Variants in CAPN14 observed in about 807,000 individuals in gnomAD.
CAPN14 encodes the protein calpain 14.
In CAPN14, 94 loss-of-function variants were observed where a neutral mutation model predicts 101.3. That is an observed-to-expected ratio of 0.93 (90% CI 0.79 to 1.10). The LOEUF (loss-of-function observed/expected upper bound fraction) is 1.10, where lower values mean the gene tolerates loss of function less well. CAPN14 is among the 50% of genes least tolerant of loss of function. CAPN14 has a pLI of 0.00. For synonymous variants in CAPN14, 338 were observed against 317.9 expected (o/e 1.06, Z -0.67); for missense variants, 837 against 828.4 (o/e 1.01, Z -0.13).
intron 1 of CAPN14, chr2:31,228,448 A>G (rs1359601623): frequency 6.6e-6 from 1 of 152,208 alleles, no homozygotes; most frequent in Non-Finnish European, 1.5e-5. Context: ...GTCACCCCTA[A>G]GAACCCAGAG....
intron 12 of CAPN14, 88 bp downstream of exon 12, chr2:31,191,311 C>T: frequency 7.7e-7 from 1 of 1,297,584 alleles, no homozygotes; most frequent in Non-Finnish European, 1.1e-6. Context: ...CAGTAGAAGC[C>T]TGCTCCAGTC....
intron 5 of CAPN14, among the ~76,000 whole-genome samples, chr2:31,201,583 C>T (rs148152999): frequency 1.8e-3 from 272 of 152,292 alleles, no homozygotes; most frequent in African/African-American, 6.1e-3. Context: ...GTGTATCTTG[C>T]TACTCCTTCC....
At chr2:31,175,453 T>A (rs1294442588) in intron 21 of CAPN14, among the ~76,000 whole-genome samples, 1 of 152,246 alleles carries the variant, frequency 6.6e-6, no homozygotes, top group Non-Finnish European at 1.5e-5. Flanking sequence ...TCTCTTCCTG[T>A]GATAGCTCTT....
intron 16 of CAPN14, among the ~76,000 whole-genome samples, chr2:31,183,520 G>A (rs1164330605): frequency 6.6e-6 from 1 of 151,898 alleles, no homozygotes; most frequent in African/African-American, 2.4e-5. Flanking sequence ...TCAAAAAGTG[G>A]GCAAAGGACA....
At position 31,199,505 on chromosome 2, in the gene CAPN14, C is replaced by A; in HGVS notation, c.754G>T (p.Glu252Ter). ...GEKILENGLV[E>*]GHAYTLTGIR... ...CCTGTGAGAGTATAGGCATGGCCTT[C>A]CACCAGCCCATTCTCCAGAATCTTC... The change falls in exon 7 of 22, where the codon GAA becomes TAA. Residue 252 changes from glutamate (E) to a stop codon, truncating the protein, a stop_gained. Coordinates refer to ENST00000403897, the MANE Select transcript of CAPN14 (RefSeq NM_001145122.2). LOFTEE classifies it high-confidence loss of function. 1 of 1,551,562 alleles carries A rather than the reference C, an allele frequency of 6.4e-7. No individual in the cohort carries two copies. The highest frequency in any genetic ancestry group is 8.7e-7 in the Non-Finnish European group (1 of 1,146,916).
At chr2:31,213,189 G>T (rs923955458) in intron 1 of CAPN14, among the ~76,000 whole-genome samples, 1 of 152,200 alleles carries the variant, frequency 6.6e-6, no homozygotes, top group Non-Finnish European at 1.5e-5. Flanking sequence ...TCTTCCCCAT[G>T]TGCCCGTGTG....
intron 12 of CAPN14, 178 bp from the exon 13 acceptor site, chr2:31,189,656 G>T (rs1411070677): frequency 2.9e-6 from 2 of 694,524 alleles, no homozygotes; most frequent in Admixed American, 2.0e-5. Flanking sequence ...TATGTGTGTG[G>T]AGGGCTGCAC....
chr2:31,176,797 T>A (rs1680314713), intron 20 of CAPN14, among the ~76,000 whole-genome samples, 155 bp from the exon 21 acceptor site: 1 of 152,358 alleles, frequency 6.6e-6, no homozygotes, highest in East Asian at 1.9e-4. Context: ...GCCACATCTA[T>A]GATAAGTGAG....
intron 6 of CAPN14, 69 bp from the exon 7 acceptor site, chr2:31,199,601 G>A: frequency 1.5e-6 from 2 of 1,309,756 alleles, no homozygotes; most frequent in South Asian, 1.3e-5. Context: ...TCGTGGGAAG[G>A]CTGTTTGGCT....
At chr2:31,193,818 A>C (rs183701888) in intron 9 of CAPN14, among the ~76,000 whole-genome samples, 4 of 152,298 alleles carry the variant, frequency 2.6e-5, no homozygotes, top group Admixed American at 2.6e-4. Flanking sequence ...TTCCAAAGGG[A>C]GAGGGCGGTG....
chr2:31,186,066 A>C (rs1009514092), intron 16 of CAPN14, among the ~76,000 whole-genome samples: 1 of 152,146 alleles, frequency 6.6e-6, no homozygotes, highest in Non-Finnish European at 1.5e-5. Flanking sequence ...TAGGCTAGTT[A>C]ATACTTAATA....
intron 1 of CAPN14, among the ~76,000 whole-genome samples, chr2:31,228,957 C>T (rs1376602503): frequency 6.6e-6 from 1 of 152,162 alleles, no homozygotes; most frequent in Non-Finnish European, 1.5e-5. Flanking sequence ...TTGGAAGAGA[C>T]ACCTGGTGGG....
At chr2:31,176,894 G>A in intron 20 of CAPN14, 132 bp downstream of exon 20, 1 of 724,070 alleles carries the variant, frequency 1.4e-6, no homozygotes, top group Non-Finnish European at 2.4e-6. Flanking sequence ...TTGGCTGGAG[G>A]TCCCCACAGC....
intron 2 of CAPN14, among the ~76,000 whole-genome samples, chr2:31,225,089 C>T (rs1682980584): frequency 6.6e-6 from 1 of 151,890 alleles, no homozygotes; most frequent in African/African-American, 2.4e-5. Context: ...AATGTCCTTA[C>T]TGTAAAAATT....
intron 19 of CAPN14, 49 bp from the exon 20 acceptor site, chr2:31,177,191 G>A: frequency 7.8e-6 from 10 of 1,275,550 alleles, no homozygotes; most frequent in African/African-American, 1.5e-5. Flanking sequence ...CTTGCACCCA[G>A]CTCCCCTCCT....
Position 31,215,326 on chromosome 2 carries a change from A to G in CAPN14, c.-53+2130T>C, listed in dbSNP as rs147193376. Among the ~76,000 whole-genome samples the G allele has an allele frequency of 3.8e-4, 58 of 151,870 alleles. 1 individual carries two copies. Among genetic ancestry groups the G allele is most frequent in the African/African-American group, 1.4e-3 (56 of 41,396 alleles). ...CAGAGAGTCATGGAATTTGAGCTAG[A>G]TGAGCGGTCAGACTGAGGTAGCTCA... is the stretch of plus-strand genomic sequence containing the variant. On this transcript the variant is annotated intron_variant, in intron 1 of 21. Transcript: ENST00000403897.
chr2:31,229,857 C>T (rs910085284), intron 1 of CAPN14, among the ~76,000 whole-genome samples: 3 of 152,126 alleles, frequency 2.0e-5, no homozygotes, highest in African/African-American at 7.2e-5. Flanking sequence ...AACTTCAATG[C>T]ACACATATGC....
At chr2:31,199,652 G>T in intron 6 of CAPN14, 120 bp from the exon 7 acceptor site, 1 of 728,456 alleles carries the variant, frequency 1.4e-6, no homozygotes, top group Non-Finnish European at 2.3e-6. Flanking sequence ...AGATAATCAT[G>T]GTATGGTACA....
chr2:31,181,431 T>C lies in CAPN14; in HGVS notation c.1646-431A>G, dbSNP rs187305901. ...CTTTCTTTCTTTCTTTCTTTCTTTC[T>C]TTCTTTCTTTCTTTTTCTTTCTTTT... On this transcript the variant is annotated intron_variant, in intron 16 of 21. Transcript: ENST00000403897. Among the ~76,000 whole-genome samples the C allele has an allele frequency of 5.3e-4, 79 of 148,604 alleles. 1 individual carries two copies. The highest frequency in any genetic ancestry group is 1.9e-3 in the African/African-American group (76 of 40,082).
Sources: allele counts gnomAD v4.1 joint callset (sites outside exome capture counted in the v4.1 genomes callset), GRCh38; gene constraint gnomAD v4.1.1; transcripts MANE v1.5; gene names NCBI Gene and HGNC (gene_info 2026-07-23, HGNC 2026-07-21).